The following CSMD3 variants were observed in gnomAD, a reference collection of about 807,000 sequenced individuals.
CSMD3 encodes CUB and Sushi multiple domains 3.
In CSMD3, 177 loss-of-function variants were observed where a neutral mutation model predicts 435.2. The observed-to-expected ratio is 0.41, with a 90% CI of 0.36 to 0.46. CSMD3 has a LOEUF of 0.46. Ranked by LOEUF, CSMD3 falls within the 20% of genes least tolerant of loss-of-function variation. CSMD3 has a pLI of 0.34. For missense variants in CSMD3, 4,265 were observed against 4,504.6 expected, an observed-to-expected ratio of 0.95 and a Z score of 1.52; for synonymous variants, 1,656 against 1,520.5, an observed-to-expected ratio of 1.09 and a Z score of -2.07.
In CSMD3 at chr8:112,589,365, C is replaced by T. The variant is rs1044514263; in HGVS notation, c.3716-2130G>A. On this transcript the variant is annotated intron_variant, in intron 22 of 70. Coordinates refer to ENST00000297405, the MANE Select transcript of CSMD3 (RefSeq NM_198123.2). ...CGCATATGAACACCACCTCTGGTCC[C>T]AAGAGATGTGAATAAAGAAAATTAC... Among the ~76,000 whole-genome samples, 7 of 152,024 alleles carry T rather than the reference C, an allele frequency of 4.6e-5. No individual in the cohort carries two copies. In the South Asian group the frequency reaches 1.0e-3, roughly 23 times the overall value.
chr8:112,246,098 A>G (rs1814698628), intron 64 of CSMD3, among the ~76,000 whole-genome samples: 1 of 143,892 alleles, frequency 6.9e-6, no homozygotes, highest in Non-Finnish European at 1.5e-5. Context: ...TAAAGTACAC[A>G]TTCTGAGGAA....
chr8:113,074,910 CATT>C (rs1351573177), intron 5 of CSMD3, among the ~76,000 whole-genome samples: 1 of 151,660 alleles, frequency 6.6e-6, no homozygotes, highest in Non-Finnish European at 1.5e-5. Context: ...AAAAAATAAA[CATT>C]ATGTCGTATC....
intron 3 of CSMD3, among the ~76,000 whole-genome samples, chr8:113,248,795 A>G (rs1382152613): frequency 6.6e-6 from 1 of 151,860 alleles, no homozygotes; most frequent in Non-Finnish European, 1.5e-5. Context: ...ATTGTTAAGC[A>G]TAAGTATTTT....
intron 64 of CSMD3, among the ~76,000 whole-genome samples, chr8:112,246,734 A>T (rs191818127): frequency 6.6e-6 from 1 of 152,302 alleles, no homozygotes; most frequent in Admixed American, 6.5e-5. Flanking sequence ...CAGATCTATA[A>T]ACTAAAACCT....
At chr8:112,859,395 G>T in intron 10 of CSMD3, 129 bp from the exon 11 acceptor site, 1 of 768,238 alleles carries the variant, frequency 1.3e-6, no homozygotes, top group East Asian at 2.8e-5. Context: ...ATATATTATG[G>T]TATTCTAATG....
At chr8:112,351,050 A>G (rs1826093681) in intron 40 of CSMD3, 125 bp downstream of exon 40, 1 of 580,892 alleles carries the variant, frequency 1.7e-6, no homozygotes, top group Non-Finnish European at 3.1e-6. Flanking sequence ...AAGGCAAACT[A>G]TATGTTTGAA....
At chr8:113,047,973 A>G (rs1000826286) in intron 5 of CSMD3, among the ~76,000 whole-genome samples, 2 of 152,120 alleles carry the variant, frequency 1.3e-5, no homozygotes, top group African/African-American at 4.8e-5. Context: ...ATGTATGCTT[A>G]CCTAGCGTAC....
intron 38 of CSMD3, among the ~76,000 whole-genome samples, chr8:112,375,978 G>C (rs1031531365): frequency 1.3e-5 from 2 of 152,022 alleles, no homozygotes; most frequent in African/African-American, 4.8e-5. Context: ...TTTCCCTAAT[G>C]TGGCATATTT....
At chr8:112,346,777 C>A (rs74727776) in intron 40 of CSMD3, among the ~76,000 whole-genome samples, 5,580 of 144,098 alleles carry the variant, frequency 0.039, 352 homozygotes, top group African/African-American at 0.14. Context: ...CTCCCGGGTT[C>A]ACGCCACTGT....
At chr8:112,533,049 A>G (rs1247376869) in intron 27 of CSMD3, among the ~76,000 whole-genome samples, 3 of 152,108 alleles carry the variant, frequency 2.0e-5, no homozygotes, top group East Asian at 1.9e-4. Context: ...ATTAGTTTAA[A>G]ATAACTTGTA....
intron 54 of CSMD3, among the ~76,000 whole-genome samples, chr8:112,294,251 C>T (rs955151343): frequency 5.9e-5 from 9 of 151,758 alleles, no homozygotes; most frequent in East Asian, 3.9e-4. Context: ...GTATTATGAC[C>T]GAATTTATAA....
intron 3 of CSMD3, among the ~76,000 whole-genome samples, chr8:113,277,533 A>C (rs2093581034): frequency 6.6e-6 from 1 of 152,006 alleles, no homozygotes; most frequent in Admixed American, 6.6e-5. Context: ...GCAAGATGTT[A>C]ACATTTATAC....
chr8:112,640,696 A>G (rs1395641711), intron 20 of CSMD3, among the ~76,000 whole-genome samples: 1 of 151,992 alleles, frequency 6.6e-6, no homozygotes, highest in Non-Finnish European at 1.5e-5. Flanking sequence ...GTATAAAATC[A>G]GTATTGATAC....
intron 45 of CSMD3, among the ~76,000 whole-genome samples, chr8:112,334,230 T>C (rs1189772362): frequency 6.6e-6 from 1 of 152,324 alleles, no homozygotes; most frequent in East Asian, 1.9e-4. Flanking sequence ...GAGAAACTAA[T>C]TAGATACCAT....
At chr8:113,339,111 TAATAAG>T (rs1413431591) in intron 1 of CSMD3, among the ~76,000 whole-genome samples, 9 of 151,968 alleles carry the variant, frequency 5.9e-5, no homozygotes, top group Admixed American at 1.3e-4. Flanking sequence ...TATAACAGAA[TAATAAG>T]AATAACTATT....
In CSMD3 at chr8:112,641,860, C is replaced by A. The variant is rs534575412; in HGVS notation, c.3311-2949G>T. Among the ~76,000 whole-genome samples the A allele has an allele frequency of 2.7e-3, 411 of 151,608 alleles. 2 individuals are homozygous for A. The highest frequency in any genetic ancestry group is 4.8e-3 in the Non-Finnish European group (323 of 67,888). On this transcript the variant is annotated intron_variant, in intron 20 of 70. Transcript: ENST00000297405. ...AAAAAACAAACAAACAAACAAAAAACCCCAAAGCAATGACCTCCTAAATCA... is the reference window on the plus strand; with the variant it reads ...AAAAAACAAACAAACAAACAAAAAAACCCAAAGCAATGACCTCCTAAATCA...
chr8:112,857,632 A>C (rs1034012929), intron 11 of CSMD3, among the ~76,000 whole-genome samples: 1 of 151,848 alleles, frequency 6.6e-6, no homozygotes, highest in Admixed American at 6.6e-5. Flanking sequence ...CTCATAAAGT[A>C]CACACCTCTG....
intron 22 of CSMD3, among the ~76,000 whole-genome samples, chr8:112,620,895 TA>T (rs1276436183): frequency 6.6e-6 from 1 of 152,204 alleles, no homozygotes; most frequent in African/African-American, 2.4e-5. Flanking sequence ...GGTCTTTGGT[TA>T]ACATCTGAAA....
chr8:113,406,867 G>A (rs1563790878), intron 1 of CSMD3, among the ~76,000 whole-genome samples: 1 of 152,042 alleles, frequency 6.6e-6, no homozygotes, highest in Non-Finnish European at 1.5e-5. Flanking sequence ...GTAGAGTGGA[G>A]AACTGCAAGT....
Sources: gnomAD v4.1 joint callset for allele counts (sites outside exome capture counted in the v4.1 genomes callset) on GRCh38, gnomAD v4.1.1 for gene constraint, MANE v1.5 for transcripts, NCBI Gene and HGNC (gene_info 2026-07-23, HGNC 2026-07-21) for gene names.